Variants in TRAP1 observed in about 807,000 individuals in gnomAD.
The protein encoded by TRAP1 is heat shock protein 75 kDa, mitochondrial.
Under a neutral mutation model 89.1 loss-of-function variants are expected in TRAP1, and 102 were observed. That is an observed-to-expected ratio of 1.15 (90% confidence interval 0.98 to 1.35). TRAP1 has a LOEUF of 1.35. TRAP1 is among the 40% of genes most tolerant of loss of function. TRAP1 has a pLI of 0.00. For missense variants in TRAP1, 1,256 were observed against 945.3 expected (o/e 1.33, Z -4.31); for synonymous variants, 508 against 388.0 (o/e 1.31, Z -3.64).
intron 1 of TRAP1, among the ~76,000 whole-genome samples, chr16:3,706,546 A>G (rs1567245706): frequency 6.7e-6 from 1 of 150,114 alleles, no homozygotes; most frequent in Non-Finnish European, 1.5e-5. Context: ...TGTAGCCTCA[A>G]ACTCCTGGGC....
intron 16 of TRAP1, chr16:3,661,348 G>C (rs369105019): frequency 6.6e-6 from 1 of 151,930 alleles, no homozygotes; most frequent in Non-Finnish European, 1.5e-5. Context: ...GAAGAAACGA[G>C]GGAAATCTTA....
intron 4 of TRAP1, among the ~76,000 whole-genome samples, chr16:3,685,498 G>A (rs981637507): frequency 2.6e-5 from 4 of 151,722 alleles, no homozygotes; most frequent in Admixed American, 1.3e-4. Flanking sequence ...CAATGACGCC[G>A]TGACCCTGGG....
chr16:3,692,595 C>CTTTT (rs202237111), intron 1 of TRAP1, among the ~76,000 whole-genome samples: 5 of 105,194 alleles, frequency 4.8e-5, no homozygotes, highest in African/African-American at 7.8e-5. Context: ...AAAAACTTGC[C>CTTTT]TTTTTTTTTT....
At chr16:3,697,608 G>A (rs936213596) in intron 1 of TRAP1, among the ~76,000 whole-genome samples, 11 of 148,036 alleles carry the variant, frequency 7.4e-5, no homozygotes, top group Non-Finnish European at 1.5e-4. Flanking sequence ...AGTTTGCAGC[G>A]AGCTGAGATG....
intron 1 of TRAP1, among the ~76,000 whole-genome samples, chr16:3,715,423 G>C (rs919965013): frequency 7.2e-5 from 11 of 151,990 alleles, no homozygotes; most frequent in Non-Finnish European, 8.8e-5. Flanking sequence ...GGGTGACAGA[G>C]CAAGACTCCA....
At chr16:3,669,432 A>G (rs2050880654) in intron 11 of TRAP1, among the ~76,000 whole-genome samples, 1 of 152,170 alleles carries the variant, frequency 6.6e-6, no homozygotes, top group African/African-American at 2.4e-5. Context: ...CATTGATTAT[A>G]TAACATCTCT....
chr16:3,675,458 G>C, intron 7 of TRAP1, 61 bp from the exon 8 acceptor site: 2 of 1,547,302 alleles, frequency 1.3e-6, no homozygotes, highest in Admixed American at 3.4e-5. Flanking sequence ...CGCAAGCTTT[G>C]CAGCAGCTCC....
At chr16:3,712,285 C>CAAAAAAAA (rs764259574) in intron 1 of TRAP1, among the ~76,000 whole-genome samples, 22 of 32,080 alleles carry the variant, frequency 6.9e-4, no homozygotes, top group South Asian at 3.5e-3. Context: ...GAATCTGTCT[C>CAAAAAAAA]AAAAAAAAAA....
At position 3,717,404 on chromosome 16, in the gene TRAP1, A is replaced by G; in HGVS notation, c.88+17T>C. Reference sequence around the variant, plus strand: ...GGCCCGGCCCGCCCGCTGCCCGTCCAGCCAGGACGCCCTCACCTCCCGGCA... The same window carrying G: ...GGCCCGGCCCGCCCGCTGCCCGTCCGGCCAGGACGCCCTCACCTCCCGGCA... On this transcript the variant is annotated intron_variant, in intron 1 of 17. Coordinates refer to ENST00000246957, the MANE Select transcript of TRAP1 (RefSeq NM_016292.3). 9.2e-7 allele frequency: 1 copy of G among 1,091,420 alleles called. No homozygotes were observed. The highest frequency in any genetic ancestry group is 3.5e-4 in the Middle Eastern group (1 of 2,862). 67.6% of individuals were successfully genotyped at this position (1,091,420 alleles called of 1,614,324 possible).
chr16:3,710,879 A>ATATATTTT (rs71133652), intron 1 of TRAP1, among the ~76,000 whole-genome samples: 20 of 125,798 alleles, frequency 1.6e-4, no homozygotes, highest in African/African-American at 6.2e-4. Context: ...ATATATATAT[A>ATATATTTT]TTTTTTTTTT....
At chr16:3,680,918 G>C (rs1484532881) in intron 4 of TRAP1, among the ~76,000 whole-genome samples, 1 of 152,172 alleles carries the variant, frequency 6.6e-6, no homozygotes, top group Non-Finnish European at 1.5e-5. Flanking sequence ...CCAGCCTCTA[G>C]AACTGTAAGC....
chr16:3,691,125 G>A, intron 1 of TRAP1, 140 bp from the exon 2 acceptor site: 1 of 723,432 alleles, frequency 1.4e-6, no homozygotes, highest in Non-Finnish European at 2.0e-6. Context: ...GAAATCCACA[G>A]GACCAAATGC....
chr16:3,660,366 G>A (rs534350336), intron 16 of TRAP1: 6 of 152,402 alleles, frequency 3.9e-5, no homozygotes, highest in Admixed American at 1.3e-4. Context: ...GCTGGGCACA[G>A]TGGCTCTCGC....
At chr16:3,690,717 A>G in intron 2 of TRAP1, 110 bp downstream of exon 2, 1 of 1,172,790 alleles carries the variant, frequency 8.5e-7, no homozygotes. Context: ...TTCTGATTTC[A>G]CACCTAAGGC....
At chr16:3,712,286 A>C (rs1180112810) in intron 1 of TRAP1, among the ~76,000 whole-genome samples, 1 of 29,724 alleles carries the variant, frequency 3.4e-5, no homozygotes, top group African/African-American at 4.0e-4. Flanking sequence ...AATCTGTCTC[A>C]AAAAAAAAAA....
rs370758238 is a variant in TRAP1, at chr16:3,671,711, C to T, written c.1235+11G>A. The T allele has an allele frequency of 2.5e-6, 4 of 1,611,886 alleles. No homozygotes were observed. In the African/African-American group the frequency reaches 5.3e-5, roughly 22 times the overall value. On this transcript the variant is annotated intron_variant, in intron 11 of 17. Transcript: ENST00000246957. ...CCCAGCAGGGTCCTCTCCCCGCGGC[C>T]CGAGGCTCACCTGATGAGTGCGCTC...
At chr16:3,658,997 T>A in intron 16 of TRAP1, 132 bp from the exon 17 acceptor site, 1 of 844,846 alleles carries the variant, frequency 1.2e-6, no homozygotes, top group African/African-American at 1.7e-5. Context: ...TAAGGTATGT[T>A]AATGATCATT....
intron 1 of TRAP1, among the ~76,000 whole-genome samples, chr16:3,710,845 A>G (rs1421690609): frequency 7.1e-6 from 1 of 140,920 alleles, no homozygotes; most frequent in Non-Finnish European, 1.5e-5. Flanking sequence ...AATTTCTTTT[A>G]TATGTGTGTG....
chr16:3,674,969 T>C lies in TRAP1; in HGVS notation c.888+355A>G, dbSNP rs551396279. 88 of 327,026 alleles carry C rather than the reference T, an allele frequency of 2.7e-4. No homozygotes were observed. In the East Asian group the frequency reaches 4.9e-3, roughly 18 times the overall value. 20.3% of individuals were successfully genotyped at this position (327,026 alleles called of 1,614,324 possible). A position where few individuals can be genotyped will look rare whatever the true frequency, so the allele number is the denominator to read the frequency against. The stretch of plus-strand genomic sequence containing the variant: ...GCTGCTGGGACTGGGGGAGGGGCAG[T>C]GGGGAAAGGGCTGCTTTTTGGGGTG... On this transcript the variant is annotated intron_variant, in intron 8 of 17. Transcript: ENST00000246957.
Sources: gnomAD v4.1 joint callset for allele counts (sites outside exome capture counted in the v4.1 genomes callset) on GRCh38, gnomAD v4.1.1 for gene constraint, MANE v1.5 for transcripts, NCBI Gene and HGNC (gene_info 2026-07-23, HGNC 2026-07-21) for gene names.